Variants in PACRG observed in about 807,000 individuals in gnomAD.
The protein encoded by PACRG is parkin coregulated.
PACRG carries 29 observed loss-of-function variants against 29.7 expected under a neutral mutation model. That is an observed-to-expected ratio of 0.98 (90% CI 0.73 to 1.33). The LOEUF (loss-of-function observed/expected upper bound fraction) is 1.33, where lower values mean the gene tolerates loss of function less well. Ranked by LOEUF, PACRG falls within the 40% of genes most tolerant of loss-of-function variation. PACRG has a pLI of 0.00. For missense variants in PACRG, 279 were observed against 316.2 expected, an observed-to-expected ratio of 0.88 and a Z score of 0.89; for synonymous variants, 116 against 118.7, an observed-to-expected ratio of 0.98 and a Z score of 0.15.
intron 4 of PACRG, among the ~76,000 whole-genome samples, chr6:163,211,651 A>T (rs1409546123): frequency 6.6e-6 from 1 of 152,194 alleles, no homozygotes; most frequent in East Asian, 1.9e-4. Context: ...CATTCTACTT[A>T]ATATGGTATA....
chr6:163,272,059 G>C lies in PACRG; in HGVS notation c.614-42768G>C, dbSNP rs139037389. Among the ~76,000 whole-genome samples the C allele has an allele frequency of 8.7e-3, 1,145 of 131,124 alleles. 20 individuals are homozygous for C. The highest frequency in any genetic ancestry group is 0.033 in the African/African-American group (1,112 of 33,856). The allele number at this position is 131,124 out of a possible 152,430, so 86.0% of individuals were successfully genotyped here. On this transcript the variant is annotated intron_variant, in intron 4 of 4. Coordinates refer to ENST00000366888, the MANE Select transcript of PACRG (RefSeq NM_001080379.2). ...TTCCTTTTTCTTTTTTTTTTTTCAA[G>C]ATGGAGTCTCGCTCTCTCACCCAGG...
At chr6:163,074,017 TC>T (rs1357884953) in intron 3 of PACRG, among the ~76,000 whole-genome samples, 2 of 152,068 alleles carry the variant, frequency 1.3e-5, no homozygotes, top group East Asian at 3.9e-4. Context: ...ATTTGGAGGT[TC>T]CTCAAAAAAC....
chr6:162,891,198 A>C (rs558188491), intron 2 of PACRG, among the ~76,000 whole-genome samples: 27 of 152,308 alleles, frequency 1.8e-4, no homozygotes, highest in African/African-American at 6.3e-4. Flanking sequence ...TGCACTTTAC[A>C]TGGAAAGTTA....
At chr6:163,266,201 G>A (rs1783523266) in intron 4 of PACRG, among the ~76,000 whole-genome samples, 1 of 152,162 alleles carries the variant, frequency 6.6e-6, no homozygotes, top group African/African-American at 2.4e-5. Context: ...AATGGGAAGT[G>A]GAAATGTCCA....
chr6:162,940,127 T>A (rs948075080), intron 2 of PACRG, among the ~76,000 whole-genome samples: 4 of 152,304 alleles, frequency 2.6e-5, no homozygotes, highest in Non-Finnish European at 5.9e-5. Flanking sequence ...CAAGAGCAAC[T>A]TTTTCAAATA....
chr6:163,097,034 GT>G (rs1814660166), intron 4 of PACRG, among the ~76,000 whole-genome samples: 1 of 152,146 alleles, frequency 6.6e-6, no homozygotes, highest in Admixed American at 6.5e-5. Context: ...AGACAGTTTA[GT>G]TCCTTCCTTG....
intron 4 of PACRG, among the ~76,000 whole-genome samples, chr6:163,110,960 A>T (rs931079334): frequency 6.6e-6 from 1 of 152,192 alleles, no homozygotes; most frequent in Non-Finnish European, 1.5e-5. Context: ...CTTCAAATCC[A>T]CATGTGTCAA....
rs376811032 is a variant in PACRG, at chr6:163,276,008, CTTCTTTCTTTCTTTCT to C, written c.614-38804_614-38789del. Among the ~76,000 whole-genome samples the C allele has an allele frequency of 7.2e-3, 1,017 of 140,674 alleles. 15 individuals carry two copies. Among genetic ancestry groups the C allele is most frequent in the African/African-American group, 0.027 (949 of 35,540 alleles). 92.3% of individuals were successfully genotyped at this position (140,674 alleles called of 152,430 possible). A position where few individuals can be genotyped will look rare whatever the true frequency, so the allele number is the denominator to read the frequency against. On this transcript the variant is annotated intron_variant, in intron 4 of 4. Transcript: ENST00000366888. ...TTCTCTTTCCTTCCTTCCTTCCTTC[CTTCTTTCTTTCTTTCT>C]TTCTTTCTTTCTTTTTTATTTAGAC...
chr6:163,112,735 A>G (rs1304810397), intron 4 of PACRG, among the ~76,000 whole-genome samples: 1 of 152,218 alleles, frequency 6.6e-6, no homozygotes, highest in Non-Finnish European at 1.5e-5. Context: ...CACAGATACA[A>G]CAGAGAACAA....
At chr6:163,131,716 C>T (rs577409586) in intron 4 of PACRG, among the ~76,000 whole-genome samples, 1 of 152,208 alleles carries the variant, frequency 6.6e-6, no homozygotes, top group Admixed American at 6.5e-5. Context: ...CCTCCCTCAC[C>T]ACCGAAGAGT....
In PACRG at chr6:163,188,202, C is replaced by T. The variant is rs193182725; in HGVS notation, c.613+98794C>T. 3.9e-5 allele frequency among the ~76,000 whole-genome samples: 6 copies of T among 152,306 alleles called. No individual in the cohort carries two copies. In the East Asian group the frequency reaches 1.2e-3, roughly 29 times the overall value. On this transcript the variant is annotated intron_variant, in intron 4 of 4. Transcript: ENST00000366888. ...GGGGAGGCAGGAGCCCCAAGTCAAC[C>T]ATTCTTTGTATAGAAAAAGCTCTCC... is the stretch of plus-strand genomic sequence containing the variant.
Position 162,981,654 on chromosome 6 carries a change from T to A in PACRG, c.292-80496T>A, listed in dbSNP as rs568675966. Among the ~76,000 whole-genome samples the A allele has an allele frequency of 3.9e-5, 6 of 152,290 alleles. No individual in the cohort carries two copies. In the East Asian group the frequency reaches 1.2e-3, roughly 29 times the overall value. ...GTATGGTCATTTTCACAATATTGAT[T>A]CTATCCATCCATGAACATGGGATGT... On this transcript the variant is annotated intron_variant, in intron 2 of 4. Coordinates refer to ENST00000366888, the MANE Select transcript of PACRG (RefSeq NM_001080379.2).
intron 4 of PACRG, among the ~76,000 whole-genome samples, chr6:163,129,438 C>T (rs1258153187): frequency 6.6e-6 from 1 of 152,184 alleles, no homozygotes; most frequent in African/African-American, 2.4e-5. Flanking sequence ...AATGAGACTG[C>T]AGCCCTCACC....
intron 2 of PACRG, among the ~76,000 whole-genome samples, chr6:163,029,775 G>A (rs1236456497): frequency 6.6e-6 from 1 of 152,204 alleles, no homozygotes; most frequent in Non-Finnish European, 1.5e-5. Context: ...TCTCGGAGCA[G>A]AGGGTACTTG....
chr6:162,940,428 C>CTCTG (rs368781672), intron 2 of PACRG, among the ~76,000 whole-genome samples: 3 of 152,078 alleles, frequency 2.0e-5, no homozygotes, highest in Non-Finnish European at 4.4e-5. Context: ...TCCTATCTCT[C>CTCTG]TCTGTCTGTC....
At chr6:162,946,230 AT>A (rs1198196355) in intron 2 of PACRG, among the ~76,000 whole-genome samples, 5 of 151,984 alleles carry the variant, frequency 3.3e-5, no homozygotes, top group African/African-American at 9.7e-5. Flanking sequence ...AACAAAATCA[AT>A]AAACCACTAG....
chr6:162,744,221 C>CT (rs954528038), intron 1 of PACRG, among the ~76,000 whole-genome samples: 3 of 152,124 alleles, frequency 2.0e-5, no homozygotes, highest in Non-Finnish European at 4.4e-5. Context: ...GAAAAAAAGA[C>CT]TTTTTTTGTC....
At chr6:162,875,208 C>G (rs1793210696) in intron 2 of PACRG, among the ~76,000 whole-genome samples, 3 of 151,418 alleles carry the variant, frequency 2.0e-5, no homozygotes, top group Non-Finnish European at 3.0e-5. Context: ...CACGCACATT[C>G]ACACACACAC....
intron 2 of PACRG, among the ~76,000 whole-genome samples, chr6:162,974,772 C>T (rs1012308677): frequency 6.6e-6 from 1 of 152,134 alleles, no homozygotes; most frequent in Non-Finnish European, 1.5e-5. Flanking sequence ...ATTATCTCCA[C>T]GTTACAGATG....
Sources: gnomAD v4.1 joint callset for allele counts (sites outside exome capture counted in the v4.1 genomes callset) on GRCh38, gnomAD v4.1.1 for gene constraint, MANE v1.5 for transcripts, NCBI Gene and HGNC (gene_info 2026-07-23, HGNC 2026-07-21) for gene names.